The following USH2A variants were observed in gnomAD, a reference collection of about 807,000 sequenced individuals.
USH2A encodes the protein Usher syndrome 2A (autosomal recessive, mild).
USH2A carries 443 observed loss-of-function variants against 538.9 expected under a neutral mutation model. The observed-to-expected ratio is 0.82, with a 90% CI of 0.76 to 0.89. The LOEUF is 0.89. Ranked by LOEUF, USH2A falls within the 40% of genes least tolerant of loss-of-function variation. The pLI is 0.00. For synonymous variants in USH2A, 2,413 were observed against 2,273.5 expected (o/e 1.06, Z -1.75); for missense variants, 6,633 against 6,324.8 (o/e 1.05, Z -1.65).
Position 216,321,924 on chromosome 1 carries a change from T to C in USH2A, c.1603A>G (p.Arg535Gly). 1 of 1,613,922 alleles carries C rather than the reference T, an allele frequency of 6.2e-7. No individual in the cohort carries two copies. The highest frequency in any genetic ancestry group is 8.5e-7 in the Non-Finnish European group (1 of 1,179,878). The part of the protein sequence containing the change: ...DNCDTTSQPY[R>G]CLCSQESFTE... Reference sequence around the variant, plus strand: ...AAGCTCTCCTGGGAGCAGAGGCATCTATATGGCTGGCTTGTTGTGTCGCAG... The same window carrying C: ...AAGCTCTCCTGGGAGCAGAGGCATCCATATGGCTGGCTTGTTGTGTCGCAG... Residue 535 changes from arginine (R) to glycine (G), a missense_variant, in exon 9 of 72, where the codon AGA becomes GGA. Arg to Gly is a moderately radical substitution (Grantham distance 125, BLOSUM62 -2). Transcript: ENST00000307340.
chr1:216,361,733 T>C (rs1364599867), intron 4 of USH2A, among the ~76,000 whole-genome samples: 1 of 152,188 alleles, frequency 6.6e-6, no homozygotes, highest in Non-Finnish European at 1.5e-5. Context: ...GATAAGGATG[T>C]GGAACAACTG....
intron 21 of USH2A, among the ~76,000 whole-genome samples, chr1:216,126,762 G>T (rs1012572830): frequency 1.3e-5 from 2 of 152,068 alleles, no homozygotes; most frequent in Non-Finnish European, 2.9e-5. Flanking sequence ...TACCAAATTT[G>T]ATTAAATAGA....
At chr1:216,274,702 C>A (rs776873163) in intron 11 of USH2A, among the ~76,000 whole-genome samples, 7 of 152,028 alleles carry the variant, frequency 4.6e-5, no homozygotes, top group Non-Finnish European at 8.8e-5. Flanking sequence ...TTTTGTGATA[C>A]TTCTGTTTAT....
intron 20 of USH2A, among the ~76,000 whole-genome samples, chr1:216,177,788 T>C (rs2034419176): frequency 6.6e-5 from 10 of 151,162 alleles, no homozygotes; most frequent in Admixed American, 6.6e-4. Context: ...TTTGGTTTGA[T>C]TTTTTTTTCC....
At chr1:215,901,120 C>T (rs994356582) in intron 38 of USH2A, 15 of 607,764 alleles carry the variant, frequency 2.5e-5, no homozygotes, top group Admixed American at 5.3e-5. Flanking sequence ...TCTTAAAAGC[C>T]GGCCCCCAAA....
chr1:215,677,897 G>A (rs1164134481), intron 62 of USH2A, among the ~76,000 whole-genome samples: 1 of 152,140 alleles, frequency 6.6e-6, no homozygotes, highest in East Asian at 1.9e-4. Flanking sequence ...TTTTAGACTT[G>A]TACCTCACAC....
At chr1:215,998,494 A>G (rs1668188124) in intron 34 of USH2A, among the ~76,000 whole-genome samples, 1 of 152,118 alleles carries the variant, frequency 6.6e-6, no homozygotes, top group South Asian at 2.1e-4. Context: ...TAAAAATATA[A>G]GATCTAAATT....
intron 3 of USH2A, among the ~76,000 whole-genome samples, chr1:216,384,114 G>T (rs983037559): frequency 1.9e-4 from 28 of 151,004 alleles, no homozygotes; most frequent in African/African-American, 6.3e-4. Context: ...TTCCTTCTCT[G>T]CCTATGCTTT....
chr1:215,991,022 A>G (rs1667992337), intron 35 of USH2A, among the ~76,000 whole-genome samples: 1 of 151,926 alleles, frequency 6.6e-6, no homozygotes, highest in Non-Finnish European at 1.5e-5. Flanking sequence ...CAGCCTCCCA[A>G]AGTGCTGGGA....
chr1:216,292,215 C>T lies in USH2A; in HGVS notation c.1800G>A (p.Gly600=). 6.2e-7 allele frequency: 1 copy of T among 1,614,108 alleles called. No individual in the cohort carries two copies. Among genetic ancestry groups the T allele is most frequent in the Non-Finnish European group, 8.5e-7 (1 of 1,179,978 alleles). The change falls in exon 10 of 72, where the codon GGG becomes GGA. Residue 600 remains glycine, a synonymous_variant. Transcript: ENST00000307340. ...VDPFPFEHFR[G]GGGVCDDCEH... Reference sequence around the variant, plus strand: ...CACAATCATCACAAACTCCTCCTCCCCCTCTGAAGTGCTCAAAAGGAAATG... The same window carrying T: ...CACAATCATCACAAACTCCTCCTCCTCCTCTGAAGTGCTCAAAAGGAAATG...
At chr1:216,022,029 C>CCT (rs147080639) in intron 32 of USH2A, among the ~76,000 whole-genome samples, 7 of 151,240 alleles carry the variant, frequency 4.6e-5, no homozygotes, top group Non-Finnish European at 7.4e-5. Context: ...GACACTTCCT[C>CCT]CTCTCTCTCT....
At chr1:215,640,335 G>A (rs1656633314) in intron 68 of USH2A, among the ~76,000 whole-genome samples, 1 of 152,262 alleles carries the variant, frequency 6.6e-6, no homozygotes, top group South Asian at 2.1e-4. Context: ...TGGAGGCAGC[G>A]CTGTCCCCTT....
In USH2A at chr1:215,878,910, T is replaced by C. The variant is rs1664839721; in HGVS notation, c.8412A>G (p.Gly2804=). Reference sequence around the variant, plus strand: ...AGGTAGGTAAACTCTCTGTGCACCCTCCAAGGTACCCATTACCCCCTGAGC... The same window carrying C: ...AGGTAGGTAAACTCTCTGTGCACCCCCCAAGGTACCCATTACCCCCTGAGC... The part of the protein sequence containing the change: ...VACSGGNGYL[G]GCTESLPTYV... The change falls in exon 42 of 72, where the codon GGA becomes GGG. Residue 2804 remains glycine (G), a synonymous_variant. Transcript: ENST00000307340. 6.2e-7 allele frequency: 1 copy of C among 1,613,906 alleles called. No individual in the cohort carries two copies. Among genetic ancestry groups the C allele is most frequent in the African/African-American group, 1.3e-5 (1 of 74,880 alleles).
chr1:215,941,837 G>T (rs1262094278), intron 37 of USH2A, among the ~76,000 whole-genome samples: 1 of 152,130 alleles, frequency 6.6e-6, no homozygotes, highest in South Asian at 2.1e-4. Context: ...TTGGGGGTCT[G>T]GATGAGAATG....
At chr1:215,763,060 C>T (rs550463239) in intron 56 of USH2A, among the ~76,000 whole-genome samples, 8 of 152,272 alleles carry the variant, frequency 5.3e-5, no homozygotes, top group African/African-American at 1.4e-4. Flanking sequence ...GTGATAGGAA[C>T]AAATTTTGTA....
chr1:216,029,768 T>C (rs558106258), intron 32 of USH2A, among the ~76,000 whole-genome samples: 10 of 151,650 alleles, frequency 6.6e-5, no homozygotes, highest in African/African-American at 2.2e-4. Context: ...ACTTAAACTA[T>C]CTAGACTTCA....
At chr1:216,178,273 T>C (rs2034430599) in intron 20 of USH2A, among the ~76,000 whole-genome samples, 1 of 152,224 alleles carries the variant, frequency 6.6e-6, no homozygotes. Context: ...TTTATATATG[T>C]ATGAATCTGT....
At chr1:216,135,561 C>A (rs796433271) in intron 21 of USH2A, among the ~76,000 whole-genome samples, 21 of 152,030 alleles carry the variant, frequency 1.4e-4, no homozygotes, top group African/African-American at 4.8e-4. Flanking sequence ...GATGTTACAG[C>A]TAAAGGGTAA....
intron 11 of USH2A, among the ~76,000 whole-genome samples, chr1:216,272,747 AG>A (rs1047152549): frequency 6.6e-6 from 1 of 152,142 alleles, no homozygotes; most frequent in Non-Finnish European, 1.5e-5. Flanking sequence ...TGTAGTGAGT[AG>A]GCAAAAAGTG....
Sources: gnomAD v4.1 joint callset for allele counts (sites outside exome capture counted in the v4.1 genomes callset) on GRCh38, gnomAD v4.1.1 for gene constraint, MANE v1.5 for transcripts, NCBI Gene and HGNC (gene_info 2026-07-23, HGNC 2026-07-21) for gene names.